Variants in ERCC6 observed in about 807,000 individuals in gnomAD.
ERCC6 encodes the protein DNA excision repair protein ERCC-6.
A neutral mutation model predicts 158.7 loss-of-function variants in ERCC6; 116 were observed. That is an observed-to-expected ratio of 0.73 (90% confidence interval 0.63 to 0.85). The LOEUF is 0.85. Among genes scored for constraint, ERCC6 ranks in the 40% least tolerant of loss-of-function variants. The pLI is 0.00. For synonymous variants in ERCC6, 678 were observed against 659.3 expected, an observed-to-expected ratio of 1.03 and a Z score of -0.43; for missense variants, 1,698 against 1,799.4, an observed-to-expected ratio of 0.94 and a Z score of 1.02.
At chr10:49,485,371 A>G (rs2132554897) in intron 8 of ERCC6, among the ~76,000 whole-genome samples, 1 of 152,370 alleles carries the variant, frequency 6.6e-6, no homozygotes, top group East Asian at 1.9e-4. Flanking sequence ...CTACTAAAAT[A>G]TAAAAGAAAA....
chr10:49,515,864 A>C (rs140906145), intron 5 of ERCC6: 5 of 1,614,022 alleles, frequency 3.1e-6, no homozygotes, highest in Non-Finnish European at 4.2e-6. Context: ...CAGTGACAAC[A>C]CTGTTATCAT....
intron 12 of ERCC6, among the ~76,000 whole-genome samples, chr10:49,475,082 A>G (rs1171983358): frequency 2.6e-5 from 4 of 152,162 alleles, no homozygotes; most frequent in Non-Finnish European, 5.9e-5. Flanking sequence ...GTCATCCGTG[A>G]CTCATTCTTC....
chr10:49,466,794 A>G (rs1265367165), intron 18 of ERCC6, among the ~76,000 whole-genome samples: 1 of 152,164 alleles, frequency 6.6e-6, no homozygotes, highest in East Asian at 1.9e-4. Flanking sequence ...TGATTAGTAT[A>G]TATATTTTTT....
intron 5 of ERCC6, among the ~76,000 whole-genome samples, chr10:49,521,461 G>C (rs913988348): frequency 6.6e-6 from 1 of 152,158 alleles, no homozygotes; most frequent in African/African-American, 2.4e-5. Context: ...CAAAGCAGTA[G>C]TATATTTTAA....
At chr10:49,436,729 C>G in the ERCC6 span, among the ~76,000 whole-genome samples, 11 of 152,160 alleles carry the variant, frequency 7.2e-5, no homozygotes, top group African/African-American at 2.7e-4. Flanking sequence ...ATTCCTGGCT[C>G]TATGTCCAAG....
intron 10 of ERCC6, among the ~76,000 whole-genome samples, chr10:49,479,977 A>AAGG (rs1260155855): frequency 6.6e-6 from 1 of 152,218 alleles, no homozygotes; most frequent in Non-Finnish European, 1.5e-5. Flanking sequence ...CATTCTGACA[A>AAGG]GGCAGAGCTC....
chr10:49,465,902 T>C (rs1238882219), intron 18 of ERCC6, among the ~76,000 whole-genome samples: 1 of 151,764 alleles, frequency 6.6e-6, no homozygotes, highest in Non-Finnish European at 1.5e-5. Flanking sequence ...CAGAAACACA[T>C]GAAGGAAATG....
intron 12 of ERCC6, among the ~76,000 whole-genome samples, chr10:49,475,914 C>A (rs1850868265): frequency 6.6e-6 from 1 of 152,220 alleles, no homozygotes; most frequent in Non-Finnish European, 1.5e-5. Context: ...CACCCGCCCA[C>A]CTACCAGGTA....
intron 4 of ERCC6, among the ~76,000 whole-genome samples, chr10:49,526,763 G>C (rs566509813): frequency 1.6e-4 from 25 of 152,262 alleles, no homozygotes; most frequent in Middle Eastern, 3.4e-3. Flanking sequence ...TTACAGTTAT[G>C]GTGTAACTTC....
At chr10:49,501,080 T>C in intron 6 of ERCC6, 1 of 255,784 alleles carries the variant, frequency 3.9e-6, no homozygotes, top group Non-Finnish European at 7.6e-6. Context: ...TTAATTTTTC[T>C]ATAAAAAAGG....
At position 49,524,090 on chromosome 10, in the gene ERCC6, C is replaced by T. The variant is rs750935710; in HGVS notation, c.1340G>A (p.Arg447Gln). 49 of 1,613,690 alleles carry T rather than the reference C, an allele frequency of 3.0e-5. No individual in the cohort carries two copies. The highest frequency in any genetic ancestry group is 4.5e-5 in the East Asian group (2 of 44,886). ...ATCATCTCGGTATCTTCCCACTTTC[C>T]GACCTCCTCCTCCTCCTTCTCCTAC... is the stretch of plus-strand genomic sequence containing the variant. ...ASVGEGGGGG[R>Q]KVGRYRDDGD... is the part of the protein sequence containing the mutation. The change falls in exon 5 of 21, where the codon CGG becomes CAG. Residue 447 changes from arginine to glutamine, a missense_variant. Arg to Gln is a conservative substitution (Grantham distance 43). Transcript: ENST00000355832.
Position 49,471,102 on chromosome 10 carries a change from A to G in ERCC6, c.2943T>C (p.Phe981=). ...GGTCTTTTAGCACTCTATTTGTCAA[A>G]AACTGCTTGAAGATTTGTCTAAAAA... ...KIYHRQIFKQ[F]LTNRVLKDPK... The change falls in exon 17 of 21, where the codon TTT becomes TTC. Residue 981 remains phenylalanine, a synonymous_variant. Transcript: ENST00000355832. 1.2e-6 allele frequency: 2 copies of G among 1,613,998 alleles called. No homozygotes were observed. The highest frequency in any genetic ancestry group is 1.7e-6 in the Non-Finnish European group (2 of 1,179,986).
Position 49,458,753 on chromosome 10 carries a change from AAATT to A in ERCC6, c.*58_*61del. 1 of 1,475,368 alleles carries A rather than the reference AAATT, an allele frequency of 6.8e-7. No individual in the cohort carries two copies. The highest frequency in any genetic ancestry group is 9.5e-7 in the Non-Finnish European group (1 of 1,055,536). 91.4% of individuals were successfully genotyped at this position (1,475,368 alleles called of 1,614,324 possible). A position where few individuals can be genotyped will look rare whatever the true frequency, so the allele number is the denominator to read the frequency against. Reference sequence around the variant, plus strand: ...ATTGACAAACATGATTATTAATAATAAATTAATAATCAGAAATGCCCGTTAGAAA... The same window carrying A: ...ATTGACAAACATGATTATTAATAATAAATAATCAGAAATGCCCGTTAGAAA... On this transcript the variant is annotated 3_prime_UTR_variant, in exon 21 of 21. Coordinates refer to ENST00000355832, the MANE Select transcript of ERCC6 (RefSeq NM_000124.4).
At chr10:49,505,051 C>G (rs961465116) in intron 6 of ERCC6, 1 of 152,102 alleles carries the variant, frequency 6.6e-6, no homozygotes, top group African/African-American at 2.4e-5. Flanking sequence ...GAACAAAGAA[C>G]TTTGCATCCT....
chr10:49,513,537 G>A (rs935246949), intron 5 of ERCC6, among the ~76,000 whole-genome samples: 1 of 152,146 alleles, frequency 6.6e-6, no homozygotes, highest in African/African-American at 2.4e-5. Context: ...TATAAGGAAA[G>A]AGGTTTAATT....
rs766162602 is a variant in ERCC6 at position 49,500,600 on chromosome 10, C to G, written c.1623G>C (p.Gln541His). 3 of 1,614,032 alleles carry G rather than the reference C, an allele frequency of 1.9e-6. No homozygotes were observed. The highest frequency in any genetic ancestry group is 1.7e-6 in the Non-Finnish European group (2 of 1,179,926). The stretch of plus-strand genomic sequence containing the variant: ...TCAGACCTGCCAAGAAGGCAATTAT[C>G]TGGATGGTCTTGCCCAATCCCATTT... ...GDEMGLGKTIQIIAFLAGLSY... is the reference protein window; with the variant it reads ...GDEMGLGKTIHIIAFLAGLSY... Residue 541 changes from glutamine to histidine, a missense_variant, in exon 7 of 21, where the codon CAG (glutamine) becomes CAC (histidine). Transcript: ENST00000355832.
Position 49,524,931 on chromosome 10 carries a change from CAG to C in ERCC6, c.653-156_653-155del, listed in dbSNP as rs1195090031. On this transcript the variant is annotated intron_variant, in intron 4 of 20. Transcript: ENST00000355832. ...ACTAAAGCATGTTACATATGAAGGA[CAG>C]AATAAAATTATAGCATCATGCTATA... The C allele has an allele frequency of 2.6e-4, 382 of 1,493,032 alleles. 3 individuals carry two copies. In the South Asian group the frequency reaches 4.5e-3, roughly 18 times the overall value. The allele number at this position is 1,493,032 out of a possible 1,614,324, so 92.5% of individuals were successfully genotyped here. A position where few individuals can be genotyped will look rare whatever the true frequency, so the allele number is the denominator to read the frequency against.
Position 49,459,139 on chromosome 10 carries a change from GGAAGCGAGGGGCCCGGAT to G in ERCC6, c.4140_4157del (p.Gly1382_Ser1387del). ...CTCTCATTTTAGCCAAGAGTGAGGA[GGAAGCGAGGGGCCCGGAT>G]GAAGAGTCTGCATCTTCTGCTCTTC... On this transcript the variant is annotated inframe_deletion, in exon 21 of 21. Transcript: ENST00000355832. The G allele has an allele frequency of 6.2e-7, 1 of 1,614,210 alleles. No individual in the cohort carries two copies. Among genetic ancestry groups the G allele is most frequent in the South Asian group, 1.1e-5 (1 of 91,076 alleles).
At chr10:49,537,519 AC>A (rs1837630394) in intron 1 of ERCC6, among the ~76,000 whole-genome samples, 1 of 151,670 alleles carries the variant, frequency 6.6e-6, no homozygotes, top group African/African-American at 2.4e-5. Context: ...ACACACACAC[AC>A]ACACACACAC....
Sources: allele counts gnomAD v4.1 joint callset (sites outside exome capture counted in the v4.1 genomes callset), GRCh38; gene constraint gnomAD v4.1.1; transcripts MANE v1.5; gene names NCBI Gene and HGNC (gene_info 2026-07-23, HGNC 2026-07-21).